ADGB: variants seen among roughly 807,000 people sequenced by gnomAD.
ADGB encodes the protein androglobin, also known as calpain-7-like protein.
A neutral mutation model predicts 210.5 loss-of-function variants in ADGB; 172 were observed. The ratio of observed to expected loss-of-function variants is 0.82; its 90% CI spans 0.72 to 0.93. The LOEUF (loss-of-function observed/expected upper bound fraction) is 0.93, where lower values mean the gene tolerates loss of function less well. Among genes scored for constraint, ADGB ranks in the 40% least tolerant of loss-of-function variants. The pLI is 0.00. For synonymous variants in ADGB, 658 were observed against 662.7 expected (o/e 0.99, Z 0.11); for missense variants, 2,025 against 1,964.8 (o/e 1.03, Z -0.58).
Position 146,692,888 on chromosome 6 carries a change from T to A in ADGB, c.1550T>A (p.Met517Lys). The A allele has an allele frequency of 6.5e-7, 1 of 1,534,454 alleles. No individual in the cohort carries two copies. The highest frequency in any genetic ancestry group is 1.2e-5 in the South Asian group (1 of 82,634). Residue 517 changes from methionine (M) to lysine (K), a missense_variant, in exon 12 of 36, where the codon ATG (methionine) becomes AAG (lysine). Met to Lys is a moderately conservative substitution (Grantham distance 95). Coordinates refer to ENST00000397944, the MANE Select transcript of ADGB (RefSeq NM_024694.4). ...EISSPFLNYR[M>K]TPFTIPTEMH... is the part of the protein sequence containing the mutation. ...TCAAGTCCATTTTTGAATTATAGAATGACTCCATTTACAATTCCAACAGAA... is the reference window on the plus strand; with the variant it reads ...TCAAGTCCATTTTTGAATTATAGAAAGACTCCATTTACAATTCCAACAGAA...
chr6:146,775,299 A>G (rs1777706544), intron 29 of ADGB, among the ~76,000 whole-genome samples: 1 of 152,100 alleles, frequency 6.6e-6, no homozygotes, highest in Non-Finnish European at 1.5e-5. Context: ...CCATGATAAG[A>G]AAGAATAAGG....
chr6:146,777,058 T>C (rs1256439330), intron 29 of ADGB, among the ~76,000 whole-genome samples: 1 of 151,948 alleles, frequency 6.6e-6, no homozygotes, highest in Non-Finnish European at 1.5e-5. Context: ...CTTTGCAGTC[T>C]GGTAGGGTGG....
In ADGB at chr6:146,736,207, A is replaced by G. The variant is rs533468187; in HGVS notation, c.2795-291A>G. On this transcript the variant is annotated intron_variant, in intron 22 of 35. Coordinates refer to ENST00000397944, the MANE Select transcript of ADGB (RefSeq NM_024694.4). Reference sequence around the variant, plus strand: ...GTCACAAAAAAAGTTTTAGTGTGACAGAGGTCTCCTTATGTAAACACTTTG... The same window carrying G: ...GTCACAAAAAAAGTTTTAGTGTGACGGAGGTCTCCTTATGTAAACACTTTG... Among the ~76,000 whole-genome samples, 4 of 152,330 alleles carry G rather than the reference A, an allele frequency of 2.6e-5. 1 individual carries two copies. The highest frequency in any genetic ancestry group is 9.6e-5 in the African/African-American group (4 of 41,582).
At chr6:146,602,447 A>G (rs1780571917) in intron 1 of ADGB, among the ~76,000 whole-genome samples, 2 of 152,252 alleles carry the variant, frequency 1.3e-5, no homozygotes, top group South Asian at 2.1e-4. Flanking sequence ...ATCTTTTAAC[A>G]TAACAATTTT....
intron 11 of ADGB, among the ~76,000 whole-genome samples, chr6:146,691,822 T>C (rs1403012406): frequency 6.6e-6 from 1 of 151,864 alleles, no homozygotes; most frequent in Non-Finnish European, 1.5e-5. Context: ...AAAGTGCATC[T>C]GCTTTTAGGG....
intron 13 of ADGB, among the ~76,000 whole-genome samples, chr6:146,714,620 GAGA>G (rs1776705274): frequency 1.3e-5 from 2 of 152,160 alleles, no homozygotes; most frequent in East Asian, 1.9e-4. Context: ...AAAGATTAGG[GAGA>G]AGAAGTGCAA....
intron 12 of ADGB, among the ~76,000 whole-genome samples, chr6:146,699,677 TA>T (rs36123955): frequency 0.065 from 9,836 of 152,126 alleles, 1,053 homozygotes; most frequent in African/African-American, 0.22. Flanking sequence ...CCACACTCTC[TA>T]AGATGATGAT....
At chr6:146,632,451 A>G (rs1228283695) in intron 1 of ADGB, among the ~76,000 whole-genome samples, 1 of 152,174 alleles carries the variant, frequency 6.6e-6, no homozygotes, top group Non-Finnish European at 1.5e-5. Context: ...AATCACATCT[A>G]CAAGCTCCCT....
At chr6:146,779,976 A>C (rs1478565162) in intron 29 of ADGB, among the ~76,000 whole-genome samples, 10 of 151,306 alleles carry the variant, frequency 6.6e-5, no homozygotes. Flanking sequence ...TTTTTTGCTT[A>C]TCACTCTGTA....
intron 5 of ADGB, 98 bp downstream of exon 5, chr6:146,657,078 G>A: frequency 9.1e-7 from 1 of 1,103,402 alleles, no homozygotes; most frequent in Non-Finnish European, 1.3e-6. Flanking sequence ...GCAGCACTTT[G>A]GGAGGCAAAG....
At chr6:146,691,477 A>ATATATATATATAAAT (rs1776322815) in intron 11 of ADGB, among the ~76,000 whole-genome samples, 187 bp downstream of exon 11, 1 of 18,568 alleles carries the variant, frequency 5.4e-5, no homozygotes, top group African/African-American at 4.3e-4. Context: ...TATATATATA[A>ATATATATATATAAAT]ATATATATAT....
At chr6:146,660,181 T>C (rs1188726885) in intron 5 of ADGB, among the ~76,000 whole-genome samples, 1 of 152,150 alleles carries the variant, frequency 6.6e-6, no homozygotes, top group East Asian at 1.9e-4. Context: ...CAATCCTGCA[T>C]TATAAGAAAA....
chr6:146,635,809 G>A (rs183666977), intron 2 of ADGB, among the ~76,000 whole-genome samples: 16 of 152,142 alleles, frequency 1.1e-4, no homozygotes, highest in Non-Finnish European at 2.1e-4. Context: ...AAGAGATAGG[G>A]CAGGTTAGCC....
intron 33 of ADGB, among the ~76,000 whole-genome samples, chr6:146,797,656 A>C (rs186903019): frequency 1.6e-4 from 24 of 152,284 alleles, no homozygotes; most frequent in Non-Finnish European, 2.4e-4. Context: ...AAAGTGAACT[A>C]ACCCAGGAAT....
intron 35 of ADGB, chr6:146,802,248 T>A: frequency 4.0e-6 from 1 of 251,994 alleles, no homozygotes; most frequent in Non-Finnish European, 7.2e-6. Context: ...ATGGGAAGAA[T>A]AGGAGAGAAA....
intron 1 of ADGB, among the ~76,000 whole-genome samples, chr6:146,617,035 T>C (rs1780812225): frequency 6.6e-6 from 1 of 152,146 alleles, no homozygotes; most frequent in Admixed American, 6.5e-5. Context: ...TCACTGCGCC[T>C]AGTATAGATA....
intron 35 of ADGB, 133 bp downstream of exon 35, chr6:146,802,144 C>T: frequency 1.7e-6 from 1 of 574,010 alleles, no homozygotes; most frequent in Non-Finnish European, 2.6e-6. Flanking sequence ...TTCACAACTT[C>T]TAGGAAAACA....
intron 1 of ADGB, among the ~76,000 whole-genome samples, chr6:146,626,617 G>A (rs761579678): frequency 8.6e-5 from 13 of 151,910 alleles, no homozygotes; most frequent in Non-Finnish European, 1.5e-4. Context: ...TTTACATTGT[G>A]TTTTAATGAG....
At chr6:146,705,440 T>A (rs1035767509) in intron 13 of ADGB, among the ~76,000 whole-genome samples, 3 of 152,178 alleles carry the variant, frequency 2.0e-5, no homozygotes, top group Non-Finnish European at 4.4e-5. Context: ...TGTGTTGAAG[T>A]ACATTCTTTA....
Sources: allele counts gnomAD v4.1 joint callset (sites outside exome capture counted in the v4.1 genomes callset), GRCh38; gene constraint gnomAD v4.1.1; transcripts MANE v1.5; gene names NCBI Gene and HGNC (gene_info 2026-07-23, HGNC 2026-07-21).